Variants in TRIM23 observed in about 807,000 individuals in gnomAD.
TRIM23 encodes tripartite motif containing 23.
In TRIM23, 27 loss-of-function variants were observed where a neutral mutation model predicts 71.0. The observed-to-expected ratio is 0.38, with a 90% CI of 0.28 to 0.52. TRIM23 has a LOEUF of 0.52. Ranked by LOEUF, TRIM23 falls within the 20% of genes least tolerant of loss-of-function variation. The pLI is 0.84. For missense variants in TRIM23, 482 were observed against 692.3 expected, an observed-to-expected ratio of 0.70 and a Z score of 3.41; for synonymous variants, 234 against 238.0, an observed-to-expected ratio of 0.98 and a Z score of 0.16.
intron 7 of TRIM23, among the ~76,000 whole-genome samples, chr5:65,601,168 G>T (rs1359967118): frequency 6.6e-6 from 1 of 152,172 alleles, no homozygotes; most frequent in African/African-American, 2.4e-5. Context: ...TGAAAGCAGG[G>T]TCTTGAAGAG....
At chr5:65,601,335 T>C (rs1467456416) in intron 7 of TRIM23, among the ~76,000 whole-genome samples, 1 of 152,128 alleles carries the variant, frequency 6.6e-6, no homozygotes, top group Admixed American at 6.5e-5. Flanking sequence ...TACCCAAGAC[T>C]GGGAAGAAAA....
At chr5:65,603,963 T>TTA (rs1754430400) in intron 7 of TRIM23, among the ~76,000 whole-genome samples, 1 of 17,392 alleles carries the variant, frequency 5.7e-5, no homozygotes, top group South Asian at 1.7e-3. Flanking sequence ...ATATTTTGGC[T>TTA]TTTTTTTTTT....
chr5:65,611,005 T>C lies in TRIM23; in HGVS notation c.684A>G (p.Ala228=). Residue 228 remains alanine (A), a synonymous_variant, in exon 5 of 11, where the codon GCA becomes GCG. Coordinates refer to ENST00000231524, the MANE Select transcript of TRIM23 (RefSeq NM_001656.4). ...TGCAGTGAGCCATATCTAAAATTGA[T>C]GCTCGGATCTGATTAGCTTCTGGTT... The part of the protein sequence containing the change: ...VLEPEANQIR[A]SILDMAHCIR... 1 of 1,613,338 alleles carries C rather than the reference T, an allele frequency of 6.2e-7. No individual in the cohort carries two copies. The highest frequency in any genetic ancestry group is 8.5e-7 in the Non-Finnish European group (1 of 1,179,778).
At chr5:65,614,829 G>C (rs1754740337) in intron 2 of TRIM23, among the ~76,000 whole-genome samples, 1 of 151,836 alleles carries the variant, frequency 6.6e-6, no homozygotes, top group Admixed American at 6.6e-5. Context: ...CCTAAACTTA[G>C]AAATGGTTAA....
intron 1 of TRIM23, among the ~76,000 whole-genome samples, chr5:65,619,731 A>G (rs1024017345): frequency 1.3e-5 from 2 of 152,256 alleles, no homozygotes; most frequent in Non-Finnish European, 2.9e-5. Flanking sequence ...TGTTCAGAGA[A>G]AAGAAGATGA....
At chr5:65,596,398 T>A in intron 9 of TRIM23, 23 bp downstream of exon 9, 2 of 1,482,938 alleles carry the variant, frequency 1.3e-6, no homozygotes, top group Non-Finnish European at 1.9e-6. Context: ...TGTGAAAAAT[T>A]AAATGTCATT....
In TRIM23 at chr5:65,609,284, C is replaced by T; in HGVS notation, c.1003G>A (p.Val335Ile). 1.2e-6 allele frequency: 2 copies of T among 1,614,182 alleles called. No homozygotes were observed. Among genetic ancestry groups the T allele is most frequent in the Non-Finnish European group, 1.7e-6 (2 of 1,180,024 alleles). ...QEDMTILLSE[V>I]SAACLHCEKT... is the part of the protein sequence containing the mutation. ...TCACAGTGGAGGCAGGCTGCAGAAA[C>T]CTCTGACAACAAAATAGTCATATCT... Residue 335 changes from valine (V) to isoleucine (I), a missense_variant, in exon 6 of 11, where the codon GTT (valine) becomes ATT (isoleucine). Transcript: ENST00000231524.
At chr5:65,619,207 C>T (rs1377594916) in intron 1 of TRIM23, among the ~76,000 whole-genome samples, 1 of 152,152 alleles carries the variant, frequency 6.6e-6, no homozygotes, top group Non-Finnish European at 1.5e-5. Flanking sequence ...TATCCAACAG[C>T]TTATAGTTCT....
At chr5:65,611,945 A>C in intron 3 of TRIM23, 64 bp from the exon 4 acceptor site, 8 of 1,460,914 alleles carry the variant, frequency 5.5e-6, no homozygotes, top group Non-Finnish European at 7.4e-6. Context: ...CGAATTTTTA[A>C]ATATAGAATC....
intron 2 of TRIM23, among the ~76,000 whole-genome samples, chr5:65,614,540 G>A (rs1754732560): frequency 6.6e-6 from 1 of 152,006 alleles, no homozygotes; most frequent in Admixed American, 6.6e-5. Flanking sequence ...TTCAAGACCA[G>A]CCCAGTCAAC....
At chr5:65,610,784 C>T in intron 5 of TRIM23, 77 bp downstream of exon 5, 1 of 1,275,176 alleles carries the variant, frequency 7.8e-7, no homozygotes, top group Non-Finnish European at 1.1e-6. Context: ...TGTAATTGCC[C>T]ATTAATTACT....
rs1403841289 is a variant in TRIM23, at chr5:65,624,290, G to A, written c.-16C>T. 2.5e-6 allele frequency: 4 copies of A among 1,613,286 alleles called. No individual in the cohort carries two copies. Among genetic ancestry groups the A allele is most frequent in the East Asian group, 2.2e-5 (1 of 44,866 alleles). ...GGGTAGCCATCCTCGCAGGGGAAGC[G>A]CCACAGAAACAGCCTTCAGAGTCCT... On this transcript the variant is annotated 5_prime_UTR_variant, in exon 1 of 11. Coordinates refer to ENST00000231524, the MANE Select transcript of TRIM23 (RefSeq NM_001656.4).
intron 7 of TRIM23, among the ~76,000 whole-genome samples, chr5:65,601,680 C>G (rs1260608533): frequency 1.3e-5 from 2 of 152,166 alleles, no homozygotes; most frequent in African/African-American, 4.8e-5. Flanking sequence ...AAACCCTGCC[C>G]TTACAGCAAA....
At chr5:65,599,535 C>T (rs896366427) in intron 7 of TRIM23, among the ~76,000 whole-genome samples, 5 of 152,180 alleles carry the variant, frequency 3.3e-5, no homozygotes, top group Non-Finnish European at 7.3e-5. Flanking sequence ...TGTAGGCGTA[C>T]ACCTAACCAA....
At chr5:65,594,394 T>C (rs907784054) in intron 10 of TRIM23, 127 bp downstream of exon 10, 3 of 1,233,134 alleles carry the variant, frequency 2.4e-6, no homozygotes, top group Non-Finnish European at 3.3e-6. Context: ...TCACATAGAT[T>C]GTACTCAAAA....
intron 6 of TRIM23, among the ~76,000 whole-genome samples, 158 bp downstream of exon 6, chr5:65,609,085 A>T (rs1754581639): frequency 6.6e-6 from 1 of 152,250 alleles, no homozygotes; most frequent in African/African-American, 2.4e-5. Flanking sequence ...TGATAATTCC[A>T]TACTAGTGAA....
chr5:65,622,484 A>G (rs1256414944), intron 1 of TRIM23, among the ~76,000 whole-genome samples: 3 of 152,216 alleles, frequency 2.0e-5, no homozygotes, highest in Admixed American at 1.3e-4. Context: ...CCTAGCCACA[A>G]TATCAGATTT....
At chr5:65,611,941 T>G in intron 3 of TRIM23, 60 bp from the exon 4 acceptor site, 1 of 1,482,500 alleles carries the variant, frequency 6.7e-7, no homozygotes, top group Non-Finnish European at 9.1e-7. Flanking sequence ...ATGACGAATT[T>G]TTAAATATAG....
intron 1 of TRIM23, among the ~76,000 whole-genome samples, chr5:65,623,458 A>T (rs546698796): frequency 1.6e-4 from 25 of 152,336 alleles, no homozygotes; most frequent in Non-Finnish European, 2.9e-4. Context: ...TCCGTGCACA[A>T]CAGTGGAAGG....
Sources: allele counts gnomAD v4.1 joint callset (sites outside exome capture counted in the v4.1 genomes callset), GRCh38; gene constraint gnomAD v4.1.1; transcripts MANE v1.5; gene names NCBI Gene and HGNC (gene_info 2026-07-23, HGNC 2026-07-21).